The following RIMS1 variants were observed in gnomAD, a reference collection of about 807,000 sequenced individuals.
RIMS1 encodes regulating synaptic membrane exocytosis 1, also known as regulating synaptic membrane exocytosis protein 1.
RIMS1 carries 83 observed loss-of-function variants against 214.1 expected under a neutral mutation model. The observed-to-expected ratio is 0.39, with a 90% CI of 0.32 to 0.47. The LOEUF (loss-of-function observed/expected upper bound fraction) is 0.47. Among genes scored for constraint, RIMS1 ranks in the 20% least tolerant of loss-of-function variants. RIMS1 has a pLI of 0.99. For missense variants in RIMS1, 2,050 were observed against 2,161.8 expected (o/e 0.95, Z 1.03); for synonymous variants, 793 against 786.8 (o/e 1.01, Z -0.13).
At chr6:72,089,394 C>A (rs1835560172) in intron 2 of RIMS1, among the ~76,000 whole-genome samples, 1 of 152,048 alleles carries the variant, frequency 6.6e-6, no homozygotes, top group African/African-American at 2.4e-5. Flanking sequence ...GCCATTTGGA[C>A]AGTAGGTTTC....
intron 4 of RIMS1, among the ~76,000 whole-genome samples, chr6:72,136,002 A>C (rs1008959203): frequency 6.6e-6 from 1 of 152,240 alleles, no homozygotes; most frequent in Non-Finnish European, 1.5e-5. Flanking sequence ...TACACCAAAT[A>C]AAAACAGTCT....
intron 29 of RIMS1, among the ~76,000 whole-genome samples, chr6:72,341,189 C>T (rs976922983): frequency 4.6e-5 from 7 of 151,860 alleles, no homozygotes; most frequent in African/African-American, 1.2e-4. Flanking sequence ...TGGGCTGAGA[C>T]GACGGGGTTT....
At chr6:72,220,662 C>A (rs558630167) in intron 6 of RIMS1, among the ~76,000 whole-genome samples, 1 of 152,166 alleles carries the variant, frequency 6.6e-6, no homozygotes, top group African/African-American at 2.4e-5. Flanking sequence ...ATATCATAAA[C>A]AAATACACCC....
chr6:72,112,779 C>T (rs955188701), intron 4 of RIMS1, among the ~76,000 whole-genome samples: 1 of 152,172 alleles, frequency 6.6e-6, no homozygotes, highest in African/African-American at 2.4e-5. Context: ...TTTTTCTCCA[C>T]AGTACTTCAC....
chr6:72,042,322 G>A (rs551598842), intron 2 of RIMS1, among the ~76,000 whole-genome samples: 12 of 151,818 alleles, frequency 7.9e-5, no homozygotes, highest in African/African-American at 2.2e-4. Context: ...ATACTTTTAC[G>A]GAAGTATTAT....
At position 72,270,187 on chromosome 6, in the gene RIMS1, A is replaced by G. The variant is rs114026754; in HGVS notation, c.3398+4138A>G. ...CTTGGCTAAAAATCAACAGCTATAA[A>G]TTGAATTGAAATAGATATCATAGGT... is the stretch of plus-strand genomic sequence containing the variant. On this transcript the variant is annotated intron_variant, in intron 22 of 33. Transcript: ENST00000521978. Among the ~76,000 whole-genome samples, 664 of 152,302 alleles carry G rather than the reference A, an allele frequency of 4.4e-3. 5 individuals carry two copies. Among genetic ancestry groups the G allele is most frequent in the African/African-American group, 0.016 (649 of 41,560 alleles).
chr6:72,174,003 A>T (rs1045923113), intron 4 of RIMS1, among the ~76,000 whole-genome samples: 6 of 151,906 alleles, frequency 3.9e-5, no homozygotes, highest in African/African-American at 1.5e-4. Context: ...AAAAAGACAA[A>T]TAGTCATCTG....
intron 29 of RIMS1, chr6:72,365,886 C>A (rs1263765675): frequency 2.0e-5 from 3 of 152,214 alleles, no homozygotes; most frequent in Non-Finnish European, 4.4e-5. Context: ...AGAGCTTACA[C>A]ACGTTTGAAG....
intron 1 of RIMS1, among the ~76,000 whole-genome samples, chr6:71,897,920 T>C (rs1427633229): frequency 1.3e-5 from 2 of 152,146 alleles, no homozygotes; most frequent in African/African-American, 4.8e-5. Flanking sequence ...AGTGGGATGA[T>C]TATTCTAACC....
intron 1 of RIMS1, among the ~76,000 whole-genome samples, chr6:71,942,428 A>G (rs1786445135): frequency 6.6e-6 from 1 of 152,202 alleles, no homozygotes; most frequent in South Asian, 2.1e-4. Context: ...TTATATAGAT[A>G]TTATACATAT....
chr6:72,113,029 A>G (rs1257984022), intron 4 of RIMS1, among the ~76,000 whole-genome samples: 2 of 152,048 alleles, frequency 1.3e-5, no homozygotes, highest in Non-Finnish European at 2.9e-5. Context: ...GAGAATCCCA[A>G]CAGGCAAAGC....
chr6:71,886,953 CGCA>C lies in RIMS1; in HGVS notation c.-68_-66del. On this transcript the variant is annotated 5_prime_UTR_variant, in exon 1 of 34. Transcript: ENST00000521978. The stretch of plus-strand genomic sequence containing the variant: ...CTCCGCTGTGAGGGGGAAGCAGGGG[CGCA>C]GCTGCTGGGCGTGCATCCGAAAGGT... The C allele has an allele frequency of 2.0e-6, 3 of 1,535,634 alleles. No individual in the cohort carries two copies. The highest frequency in any genetic ancestry group is 2.7e-6 in the Non-Finnish European group (3 of 1,131,100).
chr6:72,152,518 G>A (rs1002720924), intron 4 of RIMS1, among the ~76,000 whole-genome samples: 2 of 151,818 alleles, frequency 1.3e-5, no homozygotes, highest in East Asian at 3.9e-4. Flanking sequence ...ACCAACTTTG[G>A]ATTTATACTA....
At chr6:71,926,798 T>A (rs1781705203) in intron 1 of RIMS1, among the ~76,000 whole-genome samples, 1 of 152,188 alleles carries the variant, frequency 6.6e-6, no homozygotes, top group South Asian at 2.1e-4. Flanking sequence ...TAGGTACGAT[T>A]CATGATATCA....
chr6:72,188,453 T>C (rs113733966), intron 6 of RIMS1, among the ~76,000 whole-genome samples: 2,180 of 152,280 alleles, frequency 0.014, 17 homozygotes, highest in Non-Finnish European at 0.017. Context: ...AGTCAATAAA[T>C]CTTATGTCAC....
intron 4 of RIMS1, among the ~76,000 whole-genome samples, chr6:72,120,643 G>A (rs1232527582): frequency 6.6e-6 from 1 of 151,850 alleles, no homozygotes; most frequent in African/African-American, 2.4e-5. Flanking sequence ...CTGTGCAGAA[G>A]CTCTTTAGTT....
chr6:72,260,680 C>G, intron 18 of RIMS1, 25 bp from the exon 19 acceptor site: 1 of 1,611,072 alleles, frequency 6.2e-7, no homozygotes, highest in Non-Finnish European at 8.5e-7. Context: ...ATCTGTTTCA[C>G]TCACCACCCA....
intron 2 of RIMS1, among the ~76,000 whole-genome samples, chr6:72,024,465 G>C (rs986810008): frequency 6.6e-6 from 1 of 152,114 alleles, no homozygotes; most frequent in Non-Finnish European, 1.5e-5. Flanking sequence ...AATAATGAAT[G>C]TAAAGTGTTT....
intron 1 of RIMS1, among the ~76,000 whole-genome samples, chr6:71,947,173 C>A (rs1788096186): frequency 6.6e-6 from 1 of 151,798 alleles, no homozygotes; most frequent in Non-Finnish European, 1.5e-5. Flanking sequence ...AAAGGGAACC[C>A]TTTTCTCTCC....
Sources: allele counts gnomAD v4.1 joint callset (sites outside exome capture counted in the v4.1 genomes callset), GRCh38; gene constraint gnomAD v4.1.1; transcripts MANE v1.5; gene names NCBI Gene and HGNC (gene_info 2026-07-23, HGNC 2026-07-21).